The following BNIP1 variants were observed in gnomAD, a reference collection of about 807,000 sequenced individuals.
The protein encoded by BNIP1 is vesicle transport protein SEC20.
Under a neutral mutation model 28.5 loss-of-function variants are expected in BNIP1, and 25 were observed. The ratio of observed to expected loss-of-function variants is 0.88; its 90% CI spans 0.64 to 1.23. BNIP1 has a LOEUF of 1.23. BNIP1 is among the 50% of genes most tolerant of loss of function. BNIP1 has a pLI of 0.00. For missense variants in BNIP1, 276 were observed against 277.0 expected (o/e 1.00, Z 0.02); for synonymous variants, 118 against 101.7 (o/e 1.16, Z -0.96).
At position 173,163,885 on chromosome 5, in the gene BNIP1, C is replaced by T. The variant is rs202148277; in HGVS notation, c.651C>T (p.Leu217=). Residue 217 remains leucine, a synonymous_variant, in exon 6 of 6, where the codon CTC becomes CTT. Coordinates refer to ENST00000351486, the MANE Select transcript of BNIP1 (RefSeq NM_001205.3). ...TAGCCCTGTTTCTTGCTACGGTCCT[C>T]TATATTGTGAAAAAGCGGCTCTTTC... ...LALALFLATV[L]YIVKKRLFPF... The T allele has an allele frequency of 3.3e-5, 53 of 1,608,714 alleles. No individual in the cohort carries two copies. In the East Asian group the frequency reaches 1.1e-3, roughly 33 times the overall value.
intron 2 of BNIP1, among the ~76,000 whole-genome samples, chr5:173,152,174 A>G (rs1013314029): frequency 6.6e-6 from 1 of 152,176 alleles, no homozygotes; most frequent in African/African-American, 2.4e-5. Flanking sequence ...TCTTTGAAAG[A>G]ACTTCCAGGC....
chr5:173,153,694 G>C (rs751838504), intron 2 of BNIP1, among the ~76,000 whole-genome samples: 3 of 152,064 alleles, frequency 2.0e-5, no homozygotes, highest in Non-Finnish European at 2.9e-5. Flanking sequence ...AAAAAGGCAA[G>C]CATCTATGTT....
At position 173,164,152 on chromosome 5, in the gene BNIP1, C is replaced by T; in HGVS notation, c.*231C>T. Reference sequence around the variant, plus strand: ...GGATGCCGCCCTGGGGACATACGAACCGCCTCCTTCCACCATTGTGCACTA... The same window carrying T: ...GGATGCCGCCCTGGGGACATACGAATCGCCTCCTTCCACCATTGTGCACTA... On this transcript the variant is annotated 3_prime_UTR_variant, in exon 6 of 6. Transcript: ENST00000351486. This position sits in a 1 kb window ranked among gnomAD's most constrained non-coding sequence, Gnocchi z 4.0. 1 of 392,338 alleles carries T rather than the reference C, an allele frequency of 2.5e-6. No individual in the cohort carries two copies. The highest frequency in any genetic ancestry group is 4.5e-6 in the Non-Finnish European group (1 of 221,462). 24.3% of individuals were successfully genotyped at this position (392,338 alleles called of 1,614,324 possible).
chr5:173,163,422 C>T (rs1005311565), intron 5 of BNIP1, among the ~76,000 whole-genome samples: 7 of 152,308 alleles, frequency 4.6e-5, no homozygotes, highest in African/African-American at 1.4e-4. Context: ...CCCTGAGCAG[C>T]GTCCATCTGC....
chr5:173,156,978 A>C (rs1033483137), intron 3 of BNIP1, among the ~76,000 whole-genome samples: 3 of 152,050 alleles, frequency 2.0e-5, no homozygotes, highest in African/African-American at 7.2e-5. Flanking sequence ...AACAAAAAAA[A>C]CAAAAAAAAC....
chr5:173,154,681 C>G (rs896978101), intron 3 of BNIP1, among the ~76,000 whole-genome samples: 3 of 152,136 alleles, frequency 2.0e-5, no homozygotes, highest in African/African-American at 7.2e-5. Flanking sequence ...CACCATCACG[C>G]CTGGCTAATT....
In BNIP1 at chr5:173,164,106, T is replaced by G; in HGVS notation, c.*185T>G. 1 of 539,258 alleles carries G rather than the reference T, an allele frequency of 1.9e-6. No homozygotes were observed. The highest frequency in any genetic ancestry group is 3.1e-6 in the Non-Finnish European group (1 of 327,116). The allele number at this position is 539,258 out of a possible 1,614,324, so 33.4% of individuals were successfully genotyped here. ...GGCTTGTAAAGGGTGAACAGAGCCATGGGAGGAAGGTCTGGCATTGGGATG... is the reference window on the plus strand; with the variant it reads ...GGCTTGTAAAGGGTGAACAGAGCCAGGGGAGGAAGGTCTGGCATTGGGATG... On this transcript the variant is annotated 3_prime_UTR_variant, in exon 6 of 6. Coordinates refer to ENST00000351486, the MANE Select transcript of BNIP1 (RefSeq NM_001205.3). The surrounding 1 kb of genome is among the most constrained non-coding windows in gnomAD (Gnocchi z 4.0).
At chr5:173,153,459 C>T (rs1039653730) in intron 2 of BNIP1, among the ~76,000 whole-genome samples, 3 of 152,116 alleles carry the variant, frequency 2.0e-5, no homozygotes, top group Non-Finnish European at 2.9e-5. Flanking sequence ...GATCTCCTGA[C>T]CTCGTGATCT....
intron 4 of BNIP1, 50 bp downstream of exon 4, chr5:173,158,895 G>A: frequency 6.8e-7 from 1 of 1,470,542 alleles, no homozygotes; most frequent in South Asian, 1.2e-5. Context: ...GATAACAATT[G>A]GCAAGGTGTA....
intron 4 of BNIP1, 125 bp downstream of exon 4, chr5:173,158,970 GA>G (rs1455338394): frequency 2.0e-5 from 12 of 593,340 alleles, no homozygotes; most frequent in African/African-American, 3.9e-5. Context: ...TTTTAAGTTT[GA>G]AAAAAATGCA....
At chr5:173,160,583 G>C (rs1054999164) in intron 5 of BNIP1, among the ~76,000 whole-genome samples, 1 of 152,050 alleles carries the variant, frequency 6.6e-6, no homozygotes, top group East Asian at 1.9e-4. Flanking sequence ...TGTTTCCTCA[G>C]GGGGAGCATT....
intron 1 of BNIP1, chr5:173,144,952 C>G (rs1311252144): frequency 3.9e-6 from 1 of 257,650 alleles, no homozygotes; most frequent in East Asian, 8.2e-5. Context: ...GACTACCTCA[C>G]AACCTACCTG....
Position 173,163,854 on chromosome 5 carries a change from T to C in BNIP1, c.620T>C (p.Leu207Pro), listed in dbSNP as rs768891589. Residue 207 changes from leucine (L) to proline (P), a missense_variant, in exon 6 of 6, where the codon CTT (leucine) becomes CCT (proline). Physicochemically the swap from Leu to Pro is moderately conservative, Grantham distance 98. Transcript: ENST00000351486. Reference sequence around the variant, plus strand: ...CTGACGGACAAGCTTCTCATCTTCCTTGCGCTAGCCCTGTTTCTTGCTACG... The same window carrying C: ...CTGACGGACAAGCTTCTCATCTTCCCTGCGCTAGCCCTGTTTCTTGCTACG... Reference protein sequence around the residue: ...RELTDKLLIFLALALFLATVL... With the variant: ...RELTDKLLIFPALALFLATVL... 1 of 1,614,090 alleles carries C rather than the reference T, an allele frequency of 6.2e-7. No individual in the cohort carries two copies. The highest frequency in any genetic ancestry group is 1.7e-5 in the Admixed American group (1 of 60,000).
chr5:173,147,876 C>G (rs780663571), intron 2 of BNIP1, among the ~76,000 whole-genome samples: 10 of 150,556 alleles, frequency 6.6e-5, no homozygotes, highest in Non-Finnish European at 1.0e-4. Context: ...AACAGCCTGG[C>G]CAACATGGCA....
At position 173,164,107 on chromosome 5, in the gene BNIP1, G is replaced by A; in HGVS notation, c.*186G>A. ...GCTTGTAAAGGGTGAACAGAGCCATGGGAGGAAGGTCTGGCATTGGGATGC... is the reference window on the plus strand; with the variant it reads ...GCTTGTAAAGGGTGAACAGAGCCATAGGAGGAAGGTCTGGCATTGGGATGC... On this transcript the variant is annotated 3_prime_UTR_variant, in exon 6 of 6. Transcript: ENST00000351486. This position sits in a 1 kb window ranked among gnomAD's most constrained non-coding sequence, Gnocchi z 4.0. 1 of 534,346 alleles carries A rather than the reference G, an allele frequency of 1.9e-6. No homozygotes were observed. Among genetic ancestry groups the A allele is most frequent in the Non-Finnish European group, 3.1e-6 (1 of 323,466 alleles). The allele number at this position is 534,346 out of a possible 1,614,324, so 33.1% of individuals were successfully genotyped here.
intron 2 of BNIP1, among the ~76,000 whole-genome samples, chr5:173,149,635 A>C (rs1175384914): frequency 6.6e-6 from 1 of 152,140 alleles, no homozygotes; most frequent in Non-Finnish European, 1.5e-5. Flanking sequence ...GAGGCTGGGT[A>C]ATTTATTTAA....
chr5:173,148,729 G>A lies in BNIP1; in HGVS notation c.177+1771G>A, dbSNP rs188992113. Among the ~76,000 whole-genome samples, 157 of 148,330 alleles carry A rather than the reference G, an allele frequency of 1.1e-3. 2 individuals carry two copies. In the South Asian group the frequency reaches 0.015, roughly 14 times the overall value. On this transcript the variant is annotated intron_variant, in intron 2 of 5. Coordinates refer to ENST00000351486, the MANE Select transcript of BNIP1 (RefSeq NM_001205.3). ...TCCTCTTCATGCCCCTCTACTTGAA[G>A]CACTAGGCAGTTGCTTTATATTGTT...
chr5:173,161,749 A>AG (rs1400455809), intron 5 of BNIP1: 1 of 151,866 alleles, frequency 6.6e-6, no homozygotes, highest in Non-Finnish European at 1.5e-5. Context: ...AGTTGGGGGG[A>AG]GGGGGAGCAG....
intron 1 of BNIP1, among the ~76,000 whole-genome samples, chr5:173,145,937 T>G (rs1759822953): frequency 6.6e-6 from 1 of 152,260 alleles, no homozygotes; most frequent in Non-Finnish European, 1.5e-5. Flanking sequence ...TAAAACTTCT[T>G]GAACTTCACT....
Sources: allele counts gnomAD v4.1 joint callset (sites outside exome capture counted in the v4.1 genomes callset), GRCh38; gene constraint gnomAD v4.1.1; non-coding constraint Gnocchi (gnomAD v3.1); transcripts MANE v1.5; gene names NCBI Gene and HGNC (gene_info 2026-07-23, HGNC 2026-07-21).